Variants in PDSS2 observed in about 807,000 individuals in gnomAD.
The protein encoded by PDSS2 is all trans-polyprenyl-diphosphate synthase PDSS2.
A neutral mutation model predicts 44.5 loss-of-function variants in PDSS2; 31 were observed. The ratio of observed to expected loss-of-function variants is 0.70; its 90% CI spans 0.52 to 0.94. The LOEUF is 0.94. Among genes scored for constraint, PDSS2 ranks in the 40% least tolerant of loss-of-function variants. PDSS2 has a pLI of 0.00. For synonymous variants in PDSS2, 157 were observed against 180.3 expected, an observed-to-expected ratio of 0.87 and a Z score of 1.03; for missense variants, 452 against 482.2, an observed-to-expected ratio of 0.94 and a Z score of 0.59.
At chr6:107,289,023 T>C (rs1274769532) in intron 2 of PDSS2, among the ~76,000 whole-genome samples, 1 of 148,356 alleles carries the variant, frequency 6.7e-6, no homozygotes, top group Non-Finnish European at 1.5e-5. Context: ...CACCTCGGCC[T>C]CCCAAAGTGC....
At chr6:107,289,406 G>T (rs1385262019) in intron 2 of PDSS2, among the ~76,000 whole-genome samples, 1 of 149,180 alleles carries the variant, frequency 6.7e-6, no homozygotes, top group African/African-American at 2.5e-5. Context: ...AAAAAGAAAT[G>T]GAGGCCAGGT....
chr6:107,457,822 T>C (rs1782093986), intron 1 of PDSS2, among the ~76,000 whole-genome samples: 1 of 152,180 alleles, frequency 6.6e-6, no homozygotes, highest in Non-Finnish European at 1.5e-5. Context: ...AAATGGTAGA[T>C]TAAATAAAAG....
At chr6:107,163,693 C>T (rs559418748) in intron 7 of PDSS2, among the ~76,000 whole-genome samples, 1 of 151,804 alleles carries the variant, frequency 6.6e-6, no homozygotes, top group East Asian at 1.9e-4. Flanking sequence ...GCCTCTGTCT[C>T]CCGGGTTCCA....
At chr6:107,170,682 G>A (rs1048615473) in intron 7 of PDSS2, among the ~76,000 whole-genome samples, 15 of 146,348 alleles carry the variant, frequency 1.0e-4, no homozygotes, top group African/African-American at 3.3e-4. Flanking sequence ...GCACAATCTC[G>A]GCTCACTGCA....
At chr6:107,237,479 G>A (rs186410087) in intron 4 of PDSS2, among the ~76,000 whole-genome samples, 23 of 151,986 alleles carry the variant, frequency 1.5e-4, no homozygotes, top group Admixed American at 1.3e-3. Flanking sequence ...CTGACCTCAG[G>A]TGATCCTCCT....
At chr6:107,330,236 T>C (rs1339715339) in intron 2 of PDSS2, among the ~76,000 whole-genome samples, 1 of 152,108 alleles carries the variant, frequency 6.6e-6, no homozygotes, top group Non-Finnish European at 1.5e-5. Flanking sequence ...AACATTTTTA[T>C]GGCCAGGAAA....
chr6:107,327,878 A>C (rs1286871806), intron 2 of PDSS2, among the ~76,000 whole-genome samples: 1 of 152,274 alleles, frequency 6.6e-6, no homozygotes, highest in Non-Finnish European at 1.5e-5. Flanking sequence ...CCTGAACTAC[A>C]GGTTGCAAAG....
chr6:107,274,972 T>A (rs1775730043), intron 2 of PDSS2, among the ~76,000 whole-genome samples: 1 of 152,190 alleles, frequency 6.6e-6, no homozygotes, highest in Non-Finnish European at 1.5e-5. Context: ...TGCTCCTAGC[T>A]ACATTATCTC....
chr6:107,403,903 T>C lies in PDSS2; in HGVS notation c.296+55087A>G, dbSNP rs113732188. On this transcript the variant is annotated intron_variant, in intron 1 of 7. Coordinates refer to ENST00000369037, the MANE Select transcript of PDSS2 (RefSeq NM_020381.4). ...ATATGTCCTGGAGCCATTTTCCCCA[T>C]TGTTTTGGCAATTAGCATTTGGCTT... 9.2e-3 allele frequency among the ~76,000 whole-genome samples: 1,399 copies of C among 152,344 alleles called. 17 individuals carry two copies. The highest frequency in any genetic ancestry group is 0.029 in the African/African-American group (1,201 of 41,590).
intron 1 of PDSS2, among the ~76,000 whole-genome samples, chr6:107,363,686 G>A (rs894548886): frequency 2.6e-5 from 4 of 152,126 alleles, no homozygotes; most frequent in African/African-American, 7.2e-5. Flanking sequence ...ATACTGGCTC[G>A]GGCAGCCTGC....
Position 107,225,166 on chromosome 6 carries a change from T to TATATATATATA in PDSS2, c.703-12885_703-12884insTATATATATAT, listed in dbSNP as rs1773771631. On this transcript the variant is annotated intron_variant, in intron 4 of 7. Transcript: ENST00000369037. ...ATATATATATATATATATATATTTT[T>TATATATATATA]TTTTTTTTTTTTTTTTTTTTTTTGA... 1.2e-3 allele frequency among the ~76,000 whole-genome samples: 45 copies of TATATATATATA among 38,778 alleles called. 2 individuals are homozygous for TATATATATATA. Among genetic ancestry groups the TATATATATATA allele is most frequent in the African/African-American group, 4.6e-3 (34 of 7,326 alleles). The allele number at this position is 38,778 out of a possible 152,430, so 25.4% of individuals were successfully genotyped here.
chr6:107,401,523 A>G (rs937339064), intron 1 of PDSS2, among the ~76,000 whole-genome samples: 2 of 152,210 alleles, frequency 1.3e-5, no homozygotes, highest in Non-Finnish European at 2.9e-5. Flanking sequence ...ACAAGGTGCT[A>G]TGAGATCCTC....
chr6:107,306,167 G>A (rs755712329), intron 2 of PDSS2, among the ~76,000 whole-genome samples: 1 of 152,124 alleles, frequency 6.6e-6, no homozygotes, highest in Non-Finnish European at 1.5e-5. Context: ...TTAAGCATAA[G>A]TTTTCTGTTT....
intron 1 of PDSS2, among the ~76,000 whole-genome samples, chr6:107,405,377 G>C (rs1052018333): frequency 2.0e-5 from 3 of 151,220 alleles, no homozygotes; most frequent in Non-Finnish European, 4.4e-5. Context: ...ATTACAAAAA[G>C]GAGGAAGAGA....
chr6:107,424,352 A>G (rs1050836102), intron 1 of PDSS2, among the ~76,000 whole-genome samples: 1 of 152,070 alleles, frequency 6.6e-6, no homozygotes, highest in South Asian at 2.1e-4. Context: ...TGGACCTTGT[A>G]TCATTAAACT....
chr6:107,349,275 A>G (rs1159188386), intron 1 of PDSS2, among the ~76,000 whole-genome samples: 4 of 151,966 alleles, frequency 2.6e-5, no homozygotes, highest in Non-Finnish European at 5.9e-5. Flanking sequence ...TACTAAAAAT[A>G]CAAAAAAATT....
chr6:107,421,429 A>C (rs534174109), intron 1 of PDSS2, among the ~76,000 whole-genome samples: 1 of 152,254 alleles, frequency 6.6e-6, no homozygotes, highest in South Asian at 2.1e-4. Context: ...CCAAACTAGA[A>C]ACAACCCAAA....
chr6:107,230,670 AGGG>A (rs1562393944), intron 4 of PDSS2, among the ~76,000 whole-genome samples: 48 of 151,934 alleles, frequency 3.2e-4, no homozygotes, highest in South Asian at 6.2e-4. Context: ...CAGACTAGCC[AGGG>A]CATGTTTTTC....
chr6:107,406,533 T>C (rs981058698), intron 1 of PDSS2, among the ~76,000 whole-genome samples: 2 of 152,254 alleles, frequency 1.3e-5, no homozygotes, highest in African/African-American at 4.8e-5. Context: ...TTTTTGCTTC[T>C]ACCACCAATC....
Sources: gnomAD v4.1 joint callset for allele counts (sites outside exome capture counted in the v4.1 genomes callset) on GRCh38, gnomAD v4.1.1 for gene constraint, MANE v1.5 for transcripts, NCBI Gene and HGNC (gene_info 2026-07-23, HGNC 2026-07-21) for gene names.